PROSER2: variants seen among roughly 807,000 people sequenced by gnomAD.
PROSER2 encodes proline and serine rich 2.
A neutral mutation model predicts 14.6 loss-of-function variants in PROSER2; 18 were observed. The ratio of observed to expected loss-of-function variants is 1.23; its 90% CI spans 0.85 to 1.83. The LOEUF is 1.83. Among genes scored for constraint, PROSER2 ranks in the 40% most tolerant of loss-of-function variants. The probability of loss-of-function intolerance (pLI) is 0.00; values close to 1 mark genes in which losing one functional copy is unlikely to be tolerated. For missense variants in PROSER2, 823 were observed against 629.8 expected, an observed-to-expected ratio of 1.31 and a Z score of -3.28; for synonymous variants, 367 against 286.4, an observed-to-expected ratio of 1.28 and a Z score of -2.84.
At position 11,866,960 on chromosome 10, in the gene PROSER2, G is replaced by A. The variant is rs1263334797; in HGVS notation, c.391+177G>A. ...CATCCAGCAAAGGGAAATGCCAGAGGGCCTAGAATAAAGAATGGAATGGGC... is the reference window on the plus strand; with the variant it reads ...CATCCAGCAAAGGGAAATGCCAGAGAGCCTAGAATAAAGAATGGAATGGGC... On this transcript the variant is annotated intron_variant, in intron 3 of 3. Coordinates refer to ENST00000277570, the MANE Select transcript of PROSER2 (RefSeq NM_153256.4). The surrounding 1 kb of genome is among the most constrained non-coding windows in gnomAD (Gnocchi z 6.0). Among the ~76,000 whole-genome samples, 1 of 152,112 alleles carries A rather than the reference G, an allele frequency of 6.6e-6. No individual in the cohort carries two copies. Among genetic ancestry groups the A allele is most frequent in the African/African-American group, 2.4e-5 (1 of 41,422 alleles).
intron 1 of PROSER2, among the ~76,000 whole-genome samples, chr10:11,829,581 CAAAA>C (rs372245548): frequency 7.0e-6 from 1 of 142,394 alleles, no homozygotes; most frequent in African/African-American, 2.6e-5. Flanking sequence ...GACCCTGTCT[CAAAA>C]AAAAAAAGAG....
At chr10:11,859,351 C>G (rs905596122) in intron 2 of PROSER2, among the ~76,000 whole-genome samples, 2 of 152,116 alleles carry the variant, frequency 1.3e-5, no homozygotes, top group African/African-American at 4.8e-5. Flanking sequence ...TTGCATGAAC[C>G]AGGAGGCGGA....
rs201244092 is a variant in PROSER2, at chr10:11,869,697, A to T, written c.599A>T (p.Lys200Met). 2.3e-4 allele frequency: 371 copies of T among 1,597,444 alleles called. No homozygotes were observed. Among genetic ancestry groups the T allele is most frequent in the Non-Finnish European group, 1.0e-4 (121 of 1,172,690 alleles). ...CCCACGCCCCTCGTTATGGCGCAGAAGATTTCCGAGAGGATGGCGGGGAAC... is the reference window on the plus strand; with the variant it reads ...CCCACGCCCCTCGTTATGGCGCAGATGATTTCCGAGAGGATGGCGGGGAAC... ...SVPTPLVMAQ[K>M]ISERMAGNEA... Residue 200 changes from lysine to methionine, a missense_variant, in exon 4 of 4, where the codon AAG (lysine) becomes ATG (methionine). Transcript: ENST00000277570. The surrounding 1 kb of genome is among the most constrained non-coding windows in gnomAD (Gnocchi z 4.4).
At chr10:11,867,849 C>T (rs1451047632) in intron 3 of PROSER2, among the ~76,000 whole-genome samples, 1 of 152,040 alleles carries the variant, frequency 6.6e-6, no homozygotes, top group Non-Finnish European at 1.5e-5. Context: ...GTTTTTTTCC[C>T]CGATTGGAAA....
intron 1 of PROSER2, among the ~76,000 whole-genome samples, chr10:11,848,789 G>A (rs979065081): frequency 3.3e-5 from 5 of 152,102 alleles, no homozygotes; most frequent in Admixed American, 1.3e-4. Context: ...TTTATCCTGC[G>A]CACTTGCCAT....
Position 11,869,009 on chromosome 10 carries a change from A to T in PROSER2, c.392-481A>T, listed in dbSNP as rs1162606099. ...AGCAGTGCCAGGTGATCTGTGACTG[A>T]TACATGCTATGTAAGGACTCAGAGG... On this transcript the variant is annotated intron_variant, in intron 3 of 3. Coordinates refer to ENST00000277570, the MANE Select transcript of PROSER2 (RefSeq NM_153256.4). This position sits in a 1 kb window ranked among gnomAD's most constrained non-coding sequence, Gnocchi z 4.4. Among the ~76,000 whole-genome samples, 1 of 152,218 alleles carries T rather than the reference A, an allele frequency of 6.6e-6. No individual in the cohort carries two copies. The highest frequency in any genetic ancestry group is 1.5e-5 in the Non-Finnish European group (1 of 68,040).
In PROSER2 at chr10:11,870,071, C is replaced by T; in HGVS notation, c.973C>T (p.Pro325Ser). 7.9e-7 allele frequency: 1 copy of T among 1,263,390 alleles called. No homozygotes were observed. Among genetic ancestry groups the T allele is most frequent in the Non-Finnish European group, 1.0e-6 (1 of 1,004,650 alleles). The allele number at this position is 1,263,390 out of a possible 1,614,324, so 78.3% of individuals were successfully genotyped here. A position where few individuals can be genotyped will look rare whatever the true frequency, so the allele number is the denominator to read the frequency against. Residue 325 changes from proline to serine, a missense_variant, in exon 4 of 4, where the codon CCC (proline) becomes TCC (serine). Coordinates refer to ENST00000277570, the MANE Select transcript of PROSER2 (RefSeq NM_153256.4). ...RVARGRGLPG[P>S]AESLRAGGQA... ...GGCGCGTGGCCGGGGCCTGCCGGGC[C>T]CCGCTGAGAGTCTCCGGGCAGGGGG...
At position 11,865,072 on chromosome 10, in the gene PROSER2, G is replaced by T. The variant is rs1200417253; in HGVS notation, c.139-1459G>T. Among the ~76,000 whole-genome samples the T allele has an allele frequency of 2.0e-5, 3 of 152,118 alleles. No homozygotes were observed. Among genetic ancestry groups the T allele is most frequent in the African/African-American group, 7.2e-5 (3 of 41,428 alleles). ...TCAGTTTGGAAACTCACCTGTTCCTGTTTAGGGGCATTTCCCTGAATTATT... is the reference window on the plus strand; with the variant it reads ...TCAGTTTGGAAACTCACCTGTTCCTTTTTAGGGGCATTTCCCTGAATTATT... On this transcript the variant is annotated intron_variant, in intron 2 of 3. Transcript: ENST00000277570. This position sits in a 1 kb window ranked among gnomAD's most constrained non-coding sequence, Gnocchi z 4.2.
At chr10:11,854,686 T>C (rs1010489862) in intron 2 of PROSER2, among the ~76,000 whole-genome samples, 4 of 151,708 alleles carry the variant, frequency 2.6e-5, no homozygotes, top group African/African-American at 7.3e-5. Flanking sequence ...CCCTCCCGAG[T>C]AGCTGGGATT....
chr10:11,852,270 C>T (rs1588492379), intron 2 of PROSER2, 55 bp downstream of exon 2: 2 of 1,529,660 alleles, frequency 1.3e-6, no homozygotes, highest in East Asian at 2.4e-5. Flanking sequence ...TGGATTTTGC[C>T]TCAATCCCTC....
chr10:11,843,156 G>T (rs1215997544), intron 1 of PROSER2, among the ~76,000 whole-genome samples: 3 of 148,876 alleles, frequency 2.0e-5, no homozygotes, highest in Non-Finnish European at 4.5e-5. Flanking sequence ...TAGCCAGGAT[G>T]GTCTTGATCT....
chr10:11,854,550 A>G (rs140504301), intron 2 of PROSER2, among the ~76,000 whole-genome samples: 2,014 of 151,992 alleles, frequency 0.013, 17 homozygotes, highest in Non-Finnish European at 0.021. Flanking sequence ...GCCTCAAGCA[A>G]TCCTCCTGCC....
chr10:11,850,661 A>G (rs1249608607), intron 1 of PROSER2: 1 of 152,330 alleles, frequency 6.6e-6, no homozygotes, highest in Non-Finnish European at 1.5e-5. Context: ...ATGTGTACCG[A>G]TTAAGCAGAA....
intron 1 of PROSER2, among the ~76,000 whole-genome samples, chr10:11,835,031 C>G (rs996795165): frequency 6.6e-6 from 1 of 151,402 alleles, no homozygotes; most frequent in Non-Finnish European, 1.5e-5. Flanking sequence ...TGTTCAAACC[C>G]GGGAGGCAGA....
intron 2 of PROSER2, among the ~76,000 whole-genome samples, chr10:11,859,316 G>A (rs563100584): frequency 3.9e-5 from 6 of 152,020 alleles, no homozygotes; most frequent in South Asian, 2.1e-4. Context: ...TAATCTCAGC[G>A]ATTCTGGAGG....
intron 2 of PROSER2, among the ~76,000 whole-genome samples, chr10:11,857,935 C>CT (rs1057317769): frequency 3.3e-5 from 5 of 151,126 alleles, no homozygotes; most frequent in East Asian, 1.9e-4. Context: ...AACTAAATTT[C>CT]TTTTTTTTTC....
chr10:11,827,466 T>A (rs555743615), intron 1 of PROSER2, among the ~76,000 whole-genome samples: 1 of 152,128 alleles, frequency 6.6e-6, no homozygotes, highest in South Asian at 2.1e-4. Flanking sequence ...CTGTTGTGGG[T>A]TTTTTCCTGC....
rs1239209086 is a variant in PROSER2 at position 11,840,828 on chromosome 10, G to A, written c.-81-11169G>A. 2.0e-5 allele frequency among the ~76,000 whole-genome samples: 3 copies of A among 149,908 alleles called. No homozygotes were observed. In the South Asian group the frequency reaches 6.3e-4, roughly 32 times the overall value. On this transcript the variant is annotated intron_variant, in intron 1 of 3. Transcript: ENST00000277570. ...TAATCCCAGCTAATTGGGAGGCTGA[G>A]GCAGGAGAATCGCTTGAACCAGGGA...
chr10:11,857,900 C>A (rs750391217), intron 2 of PROSER2, among the ~76,000 whole-genome samples: 51 of 152,100 alleles, frequency 3.4e-4, no homozygotes, highest in Non-Finnish European at 5.9e-4. Context: ...CAGGGGGTTG[C>A]CACAATTGTC....
Sources: allele counts gnomAD v4.1 joint callset (sites outside exome capture counted in the v4.1 genomes callset), GRCh38; gene constraint gnomAD v4.1.1; non-coding constraint Gnocchi (gnomAD v3.1); transcripts MANE v1.5; gene names NCBI Gene and HGNC (gene_info 2026-07-23, HGNC 2026-07-21).